The following PCSK2 variants were observed in gnomAD, a reference collection of about 807,000 sequenced individuals.
The protein encoded by PCSK2 is proprotein convertase subtilisin/kexin type 2.
PCSK2 carries 14 observed loss-of-function variants against 69.7 expected under a neutral mutation model. The observed-to-expected ratio is 0.20, with a 90% CI of 0.13 to 0.31. The LOEUF is 0.31. PCSK2 is among the 10% of genes least tolerant of loss of function. The pLI is 1.00. For missense variants in PCSK2, 544 were observed against 842.5 expected (o/e 0.65, Z 4.39); for synonymous variants, 307 against 320.7 (o/e 0.96, Z 0.46).
At chr20:17,456,731 A>T (rs2032930808) in intron 10 of PCSK2, among the ~76,000 whole-genome samples, 1 of 152,246 alleles carries the variant, frequency 6.6e-6, no homozygotes. Flanking sequence ...CAGTGAAGGC[A>T]CAGAGATATT....
At chr20:17,253,803 T>G (rs1340419815) in intron 1 of PCSK2, among the ~76,000 whole-genome samples, 3 of 152,218 alleles carry the variant, frequency 2.0e-5, no homozygotes, top group Non-Finnish European at 4.4e-5. Context: ...CCAAATAGGC[T>G]GTACCATTTT....
chr20:17,417,144 G>A (rs901171832), intron 6 of PCSK2, among the ~76,000 whole-genome samples: 11 of 152,166 alleles, frequency 7.2e-5, no homozygotes, highest in African/African-American at 1.7e-4. Context: ...TGCACGTTGT[G>A]CACGTGTACC....
chr20:17,359,742 A>G (rs533420713), intron 3 of PCSK2, among the ~76,000 whole-genome samples: 1 of 152,362 alleles, frequency 6.6e-6, no homozygotes, highest in South Asian at 2.1e-4. Context: ...TTTTAGCAAT[A>G]TCATAACAGC....
At chr20:17,276,556 A>G (rs75275504) in intron 2 of PCSK2, among the ~76,000 whole-genome samples, 1 of 151,926 alleles carries the variant, frequency 6.6e-6, no homozygotes, top group Non-Finnish European at 1.5e-5. Flanking sequence ...TTCAGTGTTC[A>G]TATTATTGTG....
chr20:17,278,502 C>T (rs978084547), intron 2 of PCSK2, among the ~76,000 whole-genome samples: 2 of 152,006 alleles, frequency 1.3e-5, no homozygotes, highest in African/African-American at 4.8e-5. Context: ...TTCTCACTCA[C>T]AGGTGGGAAT....
intron 5 of PCSK2, among the ~76,000 whole-genome samples, chr20:17,369,673 G>A (rs902742258): frequency 6.6e-6 from 1 of 152,182 alleles, no homozygotes; most frequent in Non-Finnish European, 1.5e-5. Context: ...AAAGAAACCT[G>A]ACATCTGAAA....
intron 5 of PCSK2, among the ~76,000 whole-genome samples, chr20:17,404,530 C>T (rs1875347627): frequency 1.3e-5 from 2 of 152,192 alleles, no homozygotes; most frequent in African/African-American, 2.4e-5. Context: ...TCCATCATTA[C>T]CTGGTGAGCT....
chr20:17,360,289 C>T (rs1455864825), intron 3 of PCSK2, among the ~76,000 whole-genome samples: 1 of 150,184 alleles, frequency 6.7e-6, no homozygotes, highest in African/African-American at 2.5e-5. Context: ...GGGATTGAAA[C>T]TATGTTTGCA....
rs144395672 is a variant in PCSK2 at position 17,476,073 on chromosome 20, T to G, written c.1431-5511T>G. 2.2e-3 allele frequency among the ~76,000 whole-genome samples: 332 copies of G among 152,332 alleles called. 2 individuals are homozygous for G. The highest frequency in any genetic ancestry group is 7.3e-3 in the African/African-American group (302 of 41,580). The stretch of plus-strand genomic sequence containing the variant: ...GCTGCTTGTCTGCCTAGAAACCCTG[T>G]GATAGAATGTGTCATTTCCCTCATA... On this transcript the variant is annotated intron_variant, in intron 11 of 11. Coordinates refer to ENST00000262545, the MANE Select transcript of PCSK2 (RefSeq NM_002594.5).
chr20:17,471,086 C>T (rs1464450708), intron 11 of PCSK2, among the ~76,000 whole-genome samples: 1 of 152,038 alleles, frequency 6.6e-6, no homozygotes, highest in Non-Finnish European at 1.5e-5. Flanking sequence ...CGTCAAGCAC[C>T]ATATGATTAT....
intron 2 of PCSK2, among the ~76,000 whole-genome samples, chr20:17,308,955 T>C (rs1410393981): frequency 1.3e-5 from 2 of 151,942 alleles, no homozygotes; most frequent in South Asian, 2.1e-4. Flanking sequence ...AGAGTAAATA[T>C]CAAAGGAAAT....
chr20:17,255,966 G>A (rs1169199862), intron 1 of PCSK2, among the ~76,000 whole-genome samples: 2 of 152,040 alleles, frequency 1.3e-5, no homozygotes, highest in South Asian at 2.1e-4. Context: ...GGGTGACACA[G>A]GCCTCAATGA....
At chr20:17,300,036 T>C (rs898988515) in intron 2 of PCSK2, among the ~76,000 whole-genome samples, 3 of 152,208 alleles carry the variant, frequency 2.0e-5, no homozygotes, top group Non-Finnish European at 4.4e-5. Flanking sequence ...GAGATTGCTG[T>C]CCACATACTT....
At chr20:17,337,294 C>T (rs1990381623) in intron 2 of PCSK2, among the ~76,000 whole-genome samples, 1 of 152,172 alleles carries the variant, frequency 6.6e-6, no homozygotes, top group Admixed American at 6.5e-5. Context: ...TTGTCAGATA[C>T]TCTGAATTTA....
At chr20:17,329,220 G>C (rs1990147865) in intron 2 of PCSK2, among the ~76,000 whole-genome samples, 1 of 152,078 alleles carries the variant, frequency 6.6e-6, no homozygotes, top group Non-Finnish European at 1.5e-5. Flanking sequence ...ATGACTCGAG[G>C]GTTTTTGGAG....
chr20:17,280,763 A>G (rs1326506386), intron 2 of PCSK2, among the ~76,000 whole-genome samples: 1 of 152,234 alleles, frequency 6.6e-6, no homozygotes, highest in Non-Finnish European at 1.5e-5. Flanking sequence ...TGAGTAATTA[A>G]TTGGCACTTT....
intron 4 of PCSK2, among the ~76,000 whole-genome samples, chr20:17,362,249 C>T (rs1214195381): frequency 6.6e-6 from 1 of 152,206 alleles, no homozygotes; most frequent in Non-Finnish European, 1.5e-5. Context: ...GTTCTTTCTT[C>T]AGCTGATTAA....
chr20:17,402,665 A>AG (rs2031665525), intron 5 of PCSK2, among the ~76,000 whole-genome samples: 1 of 147,876 alleles, frequency 6.8e-6, no homozygotes, highest in South Asian at 2.2e-4. Context: ...TGTCTCAAAA[A>AG]AAAAAAAAAA....
intron 5 of PCSK2, among the ~76,000 whole-genome samples, chr20:17,381,348 T>C (rs2031082179): frequency 6.6e-6 from 1 of 152,228 alleles, no homozygotes; most frequent in African/African-American, 2.4e-5. Flanking sequence ...CAATGAGTGC[T>C]CTGCTAGGCA....
Sources: gnomAD v4.1 joint callset for allele counts (sites outside exome capture counted in the v4.1 genomes callset) on GRCh38, gnomAD v4.1.1 for gene constraint, MANE v1.5 for transcripts, NCBI Gene and HGNC (gene_info 2026-07-23, HGNC 2026-07-21) for gene names.